Variants in RNF122 observed in about 807,000 individuals in gnomAD.
The protein encoded by RNF122 is ring finger protein 122.
A neutral mutation model predicts 24.2 loss-of-function variants in RNF122; 17 were observed. That is an observed-to-expected ratio of 0.70 (90% confidence interval 0.48 to 1.06). The LOEUF is 1.06. Among genes scored for constraint, RNF122 ranks in the 50% least tolerant of loss-of-function variants. The pLI is 0.00. For missense variants in RNF122, 168 were observed against 198.1 expected (o/e 0.85, Z 0.91); for synonymous variants, 65 against 71.8 (o/e 0.91, Z 0.48).
rs572261718 is a variant in RNF122, at chr8:33,551,021, G to A, written c.270+23C>T. 9.3e-6 allele frequency: 15 copies of A among 1,613,090 alleles called. No individual in the cohort carries two copies. The Admixed American group carries it at 1.8e-4, about 20-fold the overall frequency. ...CTGCCTCACCTGCTGGGGCCCTCCT[G>A]CACACTTTCCTGGCACACTTACCCC... is the stretch of plus-strand genomic sequence containing the variant. On this transcript the variant is annotated intron_variant, in intron 4 of 5. Coordinates refer to ENST00000256257, the MANE Select transcript of RNF122 (RefSeq NM_024787.3).
chr8:33,561,700 G>A (rs79853173), intron 1 of RNF122, among the ~76,000 whole-genome samples: 3,854 of 152,004 alleles, frequency 0.025, 106 homozygotes, highest in East Asian at 0.14. Flanking sequence ...ACACCACCAC[G>A]CCCAGCTAGT....
intron 2 of RNF122, among the ~76,000 whole-genome samples, chr8:33,556,445 G>A (rs913859187): frequency 3.9e-5 from 6 of 152,152 alleles, no homozygotes; most frequent in Admixed American, 2.0e-4. Context: ...TTGCCGCTTG[G>A]CATGTGTATG....
intron 1 of RNF122, among the ~76,000 whole-genome samples, chr8:33,563,919 G>A (rs35152989): frequency 1.3e-3 from 198 of 152,256 alleles, no homozygotes; most frequent in Non-Finnish European, 2.0e-3. Context: ...CCTCTGATCA[G>A]TTTATCCCCA....
intron 3 of RNF122, 45 bp from the exon 4 acceptor site, chr8:33,551,130 C>T: frequency 6.2e-7 from 1 of 1,606,730 alleles, no homozygotes; most frequent in South Asian, 1.1e-5. Flanking sequence ...GAACCAACCA[C>T]TGGGGCCAGC....
intron 2 of RNF122, among the ~76,000 whole-genome samples, chr8:33,554,380 T>C (rs1391353455): frequency 6.6e-6 from 1 of 152,232 alleles, no homozygotes; most frequent in Non-Finnish European, 1.5e-5. Flanking sequence ...TTCTGTTTTC[T>C]GTACCCCAGG....
At chr8:33,557,799 T>TGTTTTG (rs71541853) in intron 2 of RNF122, among the ~76,000 whole-genome samples, 92,513 of 151,070 alleles carry the variant, frequency 0.61, 29,729 homozygotes, top group African/African-American at 0.81. Flanking sequence ...TTTTTAGGTT[T>TGTTTTG]GTTTTGGTTT....
rs1810323565 is a variant in RNF122 at position 33,548,633 on chromosome 8, T to C, written c.*120A>G. On this transcript the variant is annotated 3_prime_UTR_variant, in exon 6 of 6. Transcript: ENST00000256257. ...GTAGAAGCCCAGTCCTAGACCACCC[T>C]TCTCATCACTGGGAAAGTGATCGTC... The C allele has an allele frequency of 1.4e-6, 1 of 704,756 alleles. No homozygotes were observed. 43.7% of individuals were successfully genotyped at this position (704,756 alleles called of 1,614,324 possible).
At chr8:33,549,643 T>C in intron 4 of RNF122, 151 bp from the exon 5 acceptor site, 1 of 616,518 alleles carries the variant, frequency 1.6e-6, no homozygotes, top group Non-Finnish European at 2.9e-6. Context: ...GATGGCATGG[T>C]AGTCATTAAC....
At chr8:33,564,339 G>A (rs75015439) in intron 1 of RNF122, among the ~76,000 whole-genome samples, 3,941 of 152,162 alleles carry the variant, frequency 0.026, 105 homozygotes, top group East Asian at 0.14. Flanking sequence ...CTTGAGCCCA[G>A]GAGTTCAAGA....
chr8:33,565,219 A>T (rs754690915), intron 1 of RNF122, among the ~76,000 whole-genome samples: 21 of 152,152 alleles, frequency 1.4e-4, no homozygotes, highest in African/African-American at 3.6e-4. Context: ...ACCGCCTATC[A>T]CACACGGCTT....
intron 1 of RNF122, among the ~76,000 whole-genome samples, chr8:33,558,981 T>C (rs536876280): frequency 2.0e-5 from 3 of 152,202 alleles, no homozygotes; most frequent in Admixed American, 2.0e-4. Flanking sequence ...TCCAAAATAC[T>C]TAAAACAATA....
intron 1 of RNF122, among the ~76,000 whole-genome samples, chr8:33,563,117 G>GAAAAGA (rs1554533139): frequency 7.4e-6 from 1 of 135,320 alleles, no homozygotes; most frequent in African/African-American, 2.7e-5. Flanking sequence ...AAGAAAAAAA[G>GAAAAGA]AAAAAAAAAA....
intron 1 of RNF122, among the ~76,000 whole-genome samples, chr8:33,562,475 G>A (rs910905277): frequency 2.0e-5 from 3 of 149,828 alleles, no homozygotes; most frequent in Admixed American, 6.7e-5. Flanking sequence ...CTGAGAGGTC[G>A]AGGCTGCAGT....
chr8:33,563,131 A>T (rs1412829599), intron 1 of RNF122, among the ~76,000 whole-genome samples: 2 of 151,174 alleles, frequency 1.3e-5, no homozygotes, highest in East Asian at 3.9e-4. Context: ...AAAAAAAAAA[A>T]GCCTGAACCC....
chr8:33,550,930 T>TA (rs1313471789), intron 4 of RNF122, 114 bp downstream of exon 4: 13 of 941,538 alleles, frequency 1.4e-5, no homozygotes, highest in Non-Finnish European at 2.3e-5. Flanking sequence ...CCAAAGGAGA[T>TA]ATGAAGGCAT....
intron 2 of RNF122, among the ~76,000 whole-genome samples, chr8:33,556,145 A>T (rs1053653100): frequency 1.4e-5 from 2 of 141,356 alleles, no homozygotes; most frequent in Non-Finnish European, 1.5e-5. Context: ...TTACAACTGC[A>T]CTCCAGCCTG....
At chr8:33,565,091 C>CAAGA (rs1239329577) in intron 1 of RNF122, among the ~76,000 whole-genome samples, 2 of 151,986 alleles carry the variant, frequency 1.3e-5, no homozygotes, top group East Asian at 3.9e-4. Flanking sequence ...AAGGGCTGGC[C>CAAGA]AAGAAAGACC....
chr8:33,555,392 A>C (rs1337075962), intron 2 of RNF122, among the ~76,000 whole-genome samples: 2 of 152,032 alleles, frequency 1.3e-5, no homozygotes, highest in African/African-American at 4.8e-5. Flanking sequence ...TAGTAGAGAC[A>C]GGGTTTCACC....
intron 1 of RNF122, among the ~76,000 whole-genome samples, chr8:33,559,836 C>T (rs1223818716): frequency 7.4e-6 from 1 of 134,816 alleles, no homozygotes; most frequent in Non-Finnish European, 1.5e-5. Flanking sequence ...TCAGGACCTA[C>T]GCTGTTTTTT....
Sources: gnomAD v4.1 joint callset for allele counts (sites outside exome capture counted in the v4.1 genomes callset) on GRCh38, gnomAD v4.1.1 for gene constraint, MANE v1.5 for transcripts, NCBI Gene and HGNC (gene_info 2026-07-23, HGNC 2026-07-21) for gene names.